The following EPPK1 variants were observed in gnomAD, a reference collection of about 807,000 sequenced individuals.
The protein encoded by EPPK1 is epiplakin 1.
For missense variants in EPPK1, 3,823 were observed against 3,673.3 expected (o/e 1.04, Z -1.05); for synonymous variants, 1,862 against 1,721.2 (o/e 1.08, Z -2.03).
intron 1 of EPPK1, among the ~76,000 whole-genome samples, chr8:143,874,925 A>T (rs1367490207): frequency 6.6e-6 from 1 of 151,886 alleles, no homozygotes; most frequent in African/African-American, 2.4e-5. Flanking sequence ...CGGCTGCCAA[A>T]CTCGACAAAT....
chr8:143,871,782 A>G lies in EPPK1; in HGVS notation c.1472T>C (p.Leu491Pro), dbSNP rs782365594. ...PFIKYSTRQALSTATATVSVG... is the reference protein window; with the variant it reads ...PFIKYSTRQAPSTATATVSVG... ...AGAGACGGTGGCTGTGGCCGTGCTCAGGGCCTGCCGAGTGCTGTACTTGAT... is the reference window on the plus strand; with the variant it reads ...AGAGACGGTGGCTGTGGCCGTGCTCGGGGCCTGCCGAGTGCTGTACTTGAT... The change falls in exon 2 of 2, where the codon CTG (leucine) becomes CCG (proline). Residue 491 changes from leucine to proline, a missense_variant. Leu to Pro is a moderately conservative substitution (Grantham distance 98). Transcript: ENST00000615648. 2 of 1,611,586 alleles carry G rather than the reference A, an allele frequency of 1.2e-6. No individual in the cohort carries two copies. The highest frequency in any genetic ancestry group is 1.7e-6 in the Non-Finnish European group (2 of 1,179,372).
rs373854477 is a variant in EPPK1 at position 143,872,420 on chromosome 8, C to A, written c.834G>T (p.Arg278=). The A allele has an allele frequency of 6.2e-7, 1 of 1,601,492 alleles. No homozygotes were observed. The highest frequency in any genetic ancestry group is 1.7e-5 in the Admixed American group (1 of 59,954). Residue 278 remains arginine (R), a synonymous_variant, in exon 2 of 2, where the codon CGG becomes CGT. Transcript: ENST00000615648. ...AVDVSARAEV[R]RYLEGTGSVA... ...CGCTGCCGGTACCCTCCAGGTAGCGCCGCACCTCGGCACGTGCACTCACGT... is the reference window on the plus strand; with the variant it reads ...CGCTGCCGGTACCCTCCAGGTAGCGACGCACCTCGGCACGTGCACTCACGT...
upstream of EPPK1, among the ~76,000 whole-genome samples, chr8:143,878,724 G>A (rs184909820): frequency 2.6e-5 from 4 of 151,686 alleles, no homozygotes; most frequent in East Asian, 7.8e-4. Context: ...CTTCAGAACA[G>A]CTTTTTTTTT....
chr8:143,870,436 A>T lies in EPPK1; in HGVS notation c.2818T>A (p.Ser940Thr). The change falls in exon 2 of 2, where the codon TCT becomes ACT. Residue 940 changes from serine to threonine, a missense_variant. By Grantham distance (58) the Ser-to-Thr change is moderately conservative. Coordinates refer to ENST00000615648, the MANE Select transcript of EPPK1 (RefSeq NM_031308.4). This position sits in a 1 kb window ranked among gnomAD's most constrained non-coding sequence, Gnocchi z 5.2. ...TGGTAGAGGCTGAGCCGCTGGCCAG[A>T]GGGCAGCAGCCGCACACCGCCCACA... ...GAVGGVRLLPSGQRLSLYQAM... is the reference protein window; with the variant it reads ...GAVGGVRLLPTGQRLSLYQAM... The T allele has an allele frequency of 6.3e-7, 1 of 1,597,374 alleles. No homozygotes were observed. The highest frequency in any genetic ancestry group is 8.5e-7 in the Non-Finnish European group (1 of 1,176,502).
In EPPK1 at chr8:143,871,126, G is replaced by C; in HGVS notation, c.2128C>G (p.Leu710Val). The C allele has an allele frequency of 6.2e-7, 1 of 1,613,230 alleles. No homozygotes were observed. The highest frequency in any genetic ancestry group is 1.1e-5 in the South Asian group (1 of 91,084). ...CGGATGCCGTGCTCCCGGACGATGAGGCCCTTCTGCATGGCCTGGAAGAGG... is the reference window on the plus strand; with the variant it reads ...CGGATGCCGTGCTCCCGGACGATGACGCCCTTCTGCATGGCCTGGAAGAGG... ...ISLFQAMQKG[L>V]IVREHGIRLL... Residue 710 changes from leucine to valine, a missense_variant, in exon 2 of 2, where the codon CTC becomes GTC. By Grantham distance (32) the Leu-to-Val change is conservative. Transcript: ENST00000615648.
rs782411839 is a variant in EPPK1, at chr8:143,867,164, G to C, written c.6090C>G (p.Ala2030=). The C allele has an allele frequency of 1.2e-6, 2 of 1,612,846 alleles. No homozygotes were observed. Among genetic ancestry groups the C allele is most frequent in the South Asian group, 2.2e-5 (2 of 91,078 alleles). ...QHHHRLPLET[A]YRRGCLHKDI... The stretch of plus-strand genomic sequence containing the variant: ...CCTTGTGCAGACAGCCCCGTCTGTA[G>C]GCTGTTTCCAGTGGGAGCCGGTGGT... The change falls in exon 2 of 2, where the codon GCC becomes GCG. Residue 2030 remains alanine (A), a synonymous_variant. Transcript: ENST00000615648.
At position 143,857,917 on chromosome 8, in the gene EPPK1, A is replaced by C. The variant is rs950800697; in HGVS notation, c.*70T>G. 3.9e-4 allele frequency: 318 copies of C among 822,138 alleles called. No individual in the cohort carries two copies. The highest frequency in any genetic ancestry group is 2.5e-4 in the Middle Eastern group (1 of 4,020). 50.9% of individuals were successfully genotyped at this position (822,138 alleles called of 1,614,324 possible). ...ATGACAAAAAAAAAAAAAAAAAAAA[A>C]AACAACCCAGACACACAAGTATGCC... On this transcript the variant is annotated 3_prime_UTR_variant, in exon 2 of 2. Coordinates refer to ENST00000615648, the MANE Select transcript of EPPK1 (RefSeq NM_031308.4).
In EPPK1 at chr8:143,871,284, T is replaced by C. The variant is rs1554661087; in HGVS notation, c.1970A>G (p.Lys657Arg). 2 of 1,612,722 alleles carry C rather than the reference T, an allele frequency of 1.2e-6. No individual in the cohort carries two copies. The highest frequency in any genetic ancestry group is 1.3e-5 in the African/African-American group (1 of 75,034). ...QAATGFIIDP[K>R]ANKGHSVEEA... ...CTCAACGGAGTGCCCCTTGTTTGCT[T>C]TTGGGTCGATGATGAAGCCTGTGGC... Residue 657 changes from lysine (K) to arginine (R), a missense_variant, in exon 2 of 2, where the codon AAA (lysine) becomes AGA (arginine). Physicochemically the swap from Lys to Arg is conservative, Grantham distance 26. Transcript: ENST00000615648.
At position 143,867,351 on chromosome 8, in the gene EPPK1, AG is replaced by A. The variant is rs1554659435; in HGVS notation, c.5902del (p.Leu1968SerfsTer2). ...GLVNEELRER[L>X]LKAERAATGY... ...CGTGGCAGCTCTTTCAGCCTTCAGG[AG>A]CCTCTCCCGCAGCTCCTCGTTCACC... On this transcript the variant is annotated frameshift_variant, in exon 2 of 2. Transcript: ENST00000615648. LOFTEE classifies it low-confidence loss of function (END_TRUNC). 6.2e-7 allele frequency: 1 copy of A among 1,612,650 alleles called. No individual in the cohort carries two copies. The highest frequency in any genetic ancestry group is 8.5e-7 in the Non-Finnish European group (1 of 1,179,820).
At position 143,870,574 on chromosome 8, in the gene EPPK1, C is replaced by G; in HGVS notation, c.2680G>C (p.Glu894Gln). 1 of 1,611,180 alleles carries G rather than the reference C, an allele frequency of 6.2e-7. No homozygotes were observed. The change falls in exon 2 of 2, where the codon GAG becomes CAG. Residue 894 changes from glutamate (E) to glutamine (Q), a missense_variant. Glu to Gln is a conservative substitution (Grantham distance 29). Coordinates refer to ENST00000615648, the MANE Select transcript of EPPK1 (RefSeq NM_031308.4). The surrounding 1 kb of genome is among the most constrained non-coding windows in gnomAD (Gnocchi z 5.2). ...AGCTGCTGGTCAATGATACCGGCCT[C>G]CAGGAGCTGGTGGACGGTGACCCGG... is the stretch of plus-strand genomic sequence containing the variant. ...RSRVTVHQLL[E>Q]AGIIDQQLLD...
In EPPK1 at chr8:143,867,964, C is replaced by G. The variant is rs1187740127; in HGVS notation, c.5290G>C (p.Glu1764Gln). The change falls in exon 2 of 2, where the codon GAA becomes CAA. Residue 1764 changes from glutamate (E) to glutamine (Q), a missense_variant. Coordinates refer to ENST00000615648, the MANE Select transcript of EPPK1 (RefSeq NM_031308.4). The part of the protein sequence containing the change: ...LYLLQIIKKG[E>Q]NYVYINEATR... The stretch of plus-strand genomic sequence containing the variant: ...GCCTCATTGATGTACACGTAGTTTT[C>G]TCCTTTCTTTATGATTTGTAGCAGG... 1 of 1,613,680 alleles carries G rather than the reference C, an allele frequency of 6.2e-7. No individual in the cohort carries two copies. Among genetic ancestry groups the G allele is most frequent in the Non-Finnish European group, 8.5e-7 (1 of 1,179,978 alleles).
Position 143,869,120 on chromosome 8 carries a change from T to A in EPPK1, c.4134A>T (p.Ala1378=), listed in dbSNP as rs376430800. ...TGTCCAGAAGGCCGAGTCTGCAGGCTGCCGCCTGGGGCAGGTGCACCCCGT... is the reference window on the plus strand; with the variant it reads ...TGTCCAGAAGGCCGAGTCTGCAGGCAGCCGCCTGGGGCAGGTGCACCCCGT... ...PVHGVHLPQA[A]ACRLGLLDTQ... is the part of the protein sequence containing the mutation. The change falls in exon 2 of 2, where the codon GCA becomes GCT. Residue 1378 remains alanine (A), a synonymous_variant. Transcript: ENST00000615648. 1.2e-6 allele frequency: 2 copies of A among 1,606,294 alleles called. No individual in the cohort carries two copies. Among genetic ancestry groups the A allele is most frequent in the Non-Finnish European group, 1.7e-6 (2 of 1,179,672 alleles).
In EPPK1 at chr8:143,868,438, C is replaced by G. The variant is rs782325076; in HGVS notation, c.4816G>C (p.Glu1606Gln). 1 of 1,612,580 alleles carries G rather than the reference C, an allele frequency of 6.2e-7. No homozygotes were observed. ...ATGAAGCCGGTAGCTGCCTGTGCCT[C>G]CAGCAGCACCAGGGCTGTGCCAGGC... ...LRPGTALVLL[E>Q]AQAATGFIID... The change falls in exon 2 of 2, where the codon GAG becomes CAG. Residue 1606 changes from glutamate to glutamine, a missense_variant. Transcript: ENST00000615648.
rs782036493 is a variant in EPPK1 at position 143,871,169 on chromosome 8, G to A, written c.2085C>T (p.Tyr695=). The A allele has an allele frequency of 3.7e-6, 6 of 1,613,214 alleles. No homozygotes were observed. Among genetic ancestry groups the A allele is most frequent in the South Asian group, 1.1e-5 (1 of 91,080 alleles). Residue 695 remains tyrosine (Y), a synonymous_variant, in exon 2 of 2, where the codon TAC becomes TAT. Coordinates refer to ENST00000615648, the MANE Select transcript of EPPK1 (RefSeq NM_031308.4). ...GGAAGAGGGAGATCTGCTGCCCGGT[G>A]TAGGGGTCAGTGTAGCCAGTGACAG... ...ERAVTGYTDP[Y]TGQQISLFQA... is the part of the protein sequence containing the mutation.
At position 143,867,077 on chromosome 8, in the gene EPPK1, C is replaced by G. The variant is rs373733680; in HGVS notation, c.6177G>C (p.Thr2059=). Residue 2059 remains threonine (T), a synonymous_variant, in exon 2 of 2, where the codon ACG becomes ACC. Coordinates refer to ENST00000615648, the MANE Select transcript of EPPK1 (RefSeq NM_031308.4). ...GCTCTCGGTACGAGACCTTCTCTTG[C>G]GTGTTCGGGTCCACAAACCGTTTCC... is the stretch of plus-strand genomic sequence containing the variant. ...HMRKRFVDPN[T]QEKVSYRELQ... 6 of 1,612,962 alleles carry G rather than the reference C, an allele frequency of 3.7e-6. No homozygotes were observed. The highest frequency in any genetic ancestry group is 1.1e-5 in the South Asian group (1 of 91,086).
Position 143,870,506 on chromosome 8 carries a change from G to C in EPPK1, c.2748C>G (p.Leu916=). The C allele has an allele frequency of 1.2e-6, 2 of 1,607,556 alleles. No homozygotes were observed. Among genetic ancestry groups the C allele is most frequent in the Non-Finnish European group, 1.7e-6 (2 of 1,176,934 alleles). ...ACCTGCGGACGCCGTCCATGAGTAGGAGGGCCTCCGGGCTGATTGTCCCGG... is the reference window on the plus strand; with the variant it reads ...ACCTGCGGACGCCGTCCATGAGTAGCAGGGCCTCCGGGCTGATTGTCCCGG... ...VLAGTISPEA[L]LLMDGVRRYL... Residue 916 remains leucine, a synonymous_variant, in exon 2 of 2, where the codon CTC becomes CTG. Transcript: ENST00000615648. This position sits in a 1 kb window ranked among gnomAD's most constrained non-coding sequence, Gnocchi z 5.2.
rs782320865 is a variant in EPPK1 at position 143,866,676 on chromosome 8, G to A, written c.6578C>T (p.Thr2193Met). The change falls in exon 2 of 2, where the codon ACG (threonine) becomes ATG (methionine). Residue 2193 changes from threonine to methionine, a missense_variant. Thr to Met is a moderately conservative substitution (Grantham distance 81). Coordinates refer to ENST00000615648, the MANE Select transcript of EPPK1 (RefSeq NM_031308.4). ...TTCCAGGTCCTGGAGCATTTCCTCCGTGATTATGGCTGAGCTGAGGAGTTC... is the reference window on the plus strand; with the variant it reads ...TTCCAGGTCCTGGAGCATTTCCTCCATGATTATGGCTGAGCTGAGGAGTTC... Reference protein sequence around the residue: ...ASELLSSAIITEEMLQDLETG... With the variant: ...ASELLSSAIIMEEMLQDLETG... 1.1e-5 allele frequency: 18 copies of A among 1,613,090 alleles called. No individual in the cohort carries two copies. Among genetic ancestry groups the A allele is most frequent in the Middle Eastern group, 1.6e-4 (1 of 6,078 alleles).
Position 143,868,714 on chromosome 8 carries a change from T to C in EPPK1, c.4540A>G (p.Arg1514Gly). ...AVTTLVEAAERQPLQATFRGL... is the reference protein window; with the variant it reads ...AVTTLVEAAEGQPLQATFRGL... ...CTGAAGGTGGCCTGCAGGGGCTGCC[T>C]CTCTGCAGCCTCGACCAGGGTGGTG... Residue 1514 changes from arginine to glycine, a missense_variant, in exon 2 of 2, where the codon AGG (arginine) becomes GGG (glycine). Physicochemically the swap from Arg to Gly is moderately radical, Grantham distance 125 (BLOSUM62 -2). Transcript: ENST00000615648. 6.3e-7 allele frequency: 1 copy of C among 1,580,280 alleles called. No homozygotes were observed. Among genetic ancestry groups the C allele is most frequent in the Non-Finnish European group, 8.6e-7 (1 of 1,166,528 alleles).
Position 143,872,639 on chromosome 8 carries a change from C to A in EPPK1, c.615G>T (p.Thr205=), listed in dbSNP as rs369974387. 31 of 1,609,734 alleles carry A rather than the reference C, an allele frequency of 1.9e-5. No individual in the cohort carries two copies. Among genetic ancestry groups the A allele is most frequent in the Non-Finnish European group, 2.5e-5 (30 of 1,179,502 alleles). The change falls in exon 2 of 2, where the codon ACG becomes ACT. Residue 205 remains threonine, a synonymous_variant. Coordinates refer to ENST00000615648, the MANE Select transcript of EPPK1 (RefSeq NM_031308.4). ...TGDLRFLDPN[T]LERLTYHQLL... ...GCTGGTGGTATGTCAGCCGCTCCAG[C>A]GTGTTGGGGTCGAGGAAGCGCAGGT...
Sources: gnomAD v4.1 joint callset for allele counts (sites outside exome capture counted in the v4.1 genomes callset) on GRCh38, gnomAD v4.1.1 for gene constraint, Gnocchi (gnomAD v3.1) non-coding constraint, MANE v1.5 for transcripts, NCBI Gene and HGNC (gene_info 2026-07-23, HGNC 2026-07-21) for gene names.